FIGNL2: variants seen among roughly 807,000 people sequenced by gnomAD.
The protein encoded by FIGNL2 is fidgetin-like protein 2.
For synonymous variants in FIGNL2, 565 were observed against 484.0 expected (o/e 1.17, Z -2.20); for missense variants, 1,060 against 950.2 (o/e 1.12, Z -1.52).
At position 51,830,632 on chromosome 12, in the gene FIGNL2, C is replaced by T. The variant is rs191615789; in HGVS notation, c.-11-8208G>A. On this transcript the variant is annotated intron_variant, in intron 1 of 1. Transcript: ENST00000618634. ...TCAGCCTCCTGAGTAGCTGGGATTA[C>T]AGGCGCCCACCACTACACCCAGCTA... Among the ~76,000 whole-genome samples the T allele has an allele frequency of 4.9e-3, 747 of 151,250 alleles. 4 individuals carry two copies. The highest frequency in any genetic ancestry group is 8.6e-3 in the Non-Finnish European group (582 of 67,828).
intron 1 of FIGNL2, among the ~76,000 whole-genome samples, chr12:51,838,922 C>T (rs377480047): frequency 3.3e-5 from 5 of 152,158 alleles, no homozygotes; most frequent in Non-Finnish European, 7.4e-5. Flanking sequence ...ACCAGCTGAC[C>T]GTCACTGAAA....
chr12:51,829,169 A>G (rs563300733), intron 1 of FIGNL2, among the ~76,000 whole-genome samples: 2 of 152,258 alleles, frequency 1.3e-5, no homozygotes, highest in Non-Finnish European at 2.9e-5. Flanking sequence ...AGCCTGGAAC[A>G]AAGAGGCTGG....
intron 1 of FIGNL2, among the ~76,000 whole-genome samples, chr12:51,834,105 A>T (rs2580806): frequency 0.16 from 18,567 of 112,620 alleles, 1,906 homozygotes; most frequent in Non-Finnish European, 0.2. Flanking sequence ...GGGTGGATGG[A>T]TGGTTGGATG....
Position 51,820,386 on chromosome 12 carries a change from A to C in FIGNL2, c.*66T>G. The C allele has an allele frequency of 6.5e-7, 1 of 1,535,046 alleles. No individual in the cohort carries two copies. The highest frequency in any genetic ancestry group is 8.7e-7 in the Non-Finnish European group (1 of 1,146,808). On this transcript the variant is annotated 3_prime_UTR_variant, in exon 2 of 2. Transcript: ENST00000618634. ...CTGCCAGCCGGGTTTAGTCAGTGACATCCCTCCCACGCGGAGGCGGCGGGG... is the reference window on the plus strand; with the variant it reads ...CTGCCAGCCGGGTTTAGTCAGTGACCTCCCTCCCACGCGGAGGCGGCGGGG...
intron 1 of FIGNL2, 123 bp downstream of exon 1, chr12:51,848,417 C>A: frequency 3.1e-6 from 3 of 983,534 alleles, no homozygotes; most frequent in Non-Finnish European, 3.6e-6. Flanking sequence ...AGCTGAACCC[C>A]GCGACTAGCA....
intron 1 of FIGNL2, chr12:51,845,518 G>A: frequency 1.0e-6 from 1 of 985,460 alleles, no homozygotes. Context: ...GAGCACAGGG[G>A]CACTGGGGCC....
Position 51,821,272 on chromosome 12 carries a change from T to C in FIGNL2, c.1142A>G (p.Lys381Arg), listed in dbSNP as rs1445385859. 3.3e-6 allele frequency: 5 copies of C among 1,524,930 alleles called. No homozygotes were observed. Among genetic ancestry groups the C allele is most frequent in the South Asian group, 1.2e-5 (1 of 83,254 alleles). 94.5% of individuals were successfully genotyped at this position (1,524,930 alleles called of 1,614,324 possible). A position where few individuals can be genotyped will look rare whatever the true frequency, so the allele number is the denominator to read the frequency against. The change falls in exon 2 of 2, where the codon AAG becomes AGG. Residue 381 changes from lysine to arginine, a missense_variant. Lys to Arg is a conservative substitution (Grantham distance 26, BLOSUM62 2). Transcript: ENST00000618634. ...CACCGGGGGCCCGCAGTCCACCATC[T>C]TGCTCGTCACCAGCTCCAGGGCCCC... ...DPGALELVTS[K>R]MVDCGPPVQW...
chr12:51,835,641 T>C (rs944850876), intron 1 of FIGNL2: 5 of 152,070 alleles, frequency 3.3e-5, no homozygotes, highest in Non-Finnish European at 5.9e-5. Context: ...ACATTCCATA[T>C]GTTCAACAAC....
chr12:51,845,616 G>A, intron 1 of FIGNL2: 10 of 985,388 alleles, frequency 1.0e-5, no homozygotes, highest in African/African-American at 1.7e-5. Context: ...TCGGGTAAAG[G>A]AGTCGATAAC....
intron 1 of FIGNL2, among the ~76,000 whole-genome samples, chr12:51,830,738 G>T (rs529860961): frequency 6.6e-6 from 1 of 151,864 alleles, no homozygotes; most frequent in African/African-American, 2.4e-5. Flanking sequence ...TGATTCGCCC[G>T]CCTTGGCCTC....
At chr12:51,845,783 G>A (rs1012086117) in intron 1 of FIGNL2, 2 of 405,334 alleles carry the variant, frequency 4.9e-6, no homozygotes, top group African/African-American at 2.2e-5. Context: ...CTTGGGGGGA[G>A]AGTCGGGGGA....
At chr12:51,846,473 G>A (rs1939752562) in intron 1 of FIGNL2, among the ~76,000 whole-genome samples, 1 of 152,216 alleles carries the variant, frequency 6.6e-6, no homozygotes, top group African/African-American at 2.4e-5. Context: ...CCCAGGCAGG[G>A]CAGGGAGGGG....
In FIGNL2 at chr12:51,820,700, C is replaced by A; in HGVS notation, c.1714G>T (p.Ala572Ser). The part of the protein sequence containing the change: ...ARGQILQRAL[A>S]QQGCALSERE... ...TCACTGAGCGCGCAGCCCTGCTGGG[C>A]CAGCGCCCGCTGCAGGATCTGCCCG... The change falls in exon 2 of 2, where the codon GCC becomes TCC. Residue 572 changes from alanine to serine, a missense_variant. Coordinates refer to ENST00000618634, the MANE Select transcript of FIGNL2 (RefSeq NM_001384995.1). 1 of 1,488,584 alleles carries A rather than the reference C, an allele frequency of 6.7e-7. No homozygotes were observed. The highest frequency in any genetic ancestry group is 8.9e-7 in the Non-Finnish European group (1 of 1,128,758). 92.2% of individuals were successfully genotyped at this position (1,488,584 alleles called of 1,614,324 possible). A position where few individuals can be genotyped will look rare whatever the true frequency, so the allele number is the denominator to read the frequency against.
At position 51,821,541 on chromosome 12, in the gene FIGNL2, A is replaced by T; in HGVS notation, c.873T>A (p.Ala291=). ...CCGCGGCGGGGTAGGAGGCTCCGTC[A>T]GCCACGGGGGCCTTGGCGGGCTCGT... ...YAYEPAKAPV[A]DGASYPAADN... The change falls in exon 2 of 2, where the codon GCT becomes GCA. Residue 291 remains alanine, a synonymous_variant. Transcript: ENST00000618634. 3 of 1,560,190 alleles carry T rather than the reference A, an allele frequency of 1.9e-6. No individual in the cohort carries two copies. In the African/African-American group the frequency reaches 4.2e-5, roughly 22 times the overall value.
chr12:51,825,617 CTCT>C (rs1247291414), intron 1 of FIGNL2, among the ~76,000 whole-genome samples: 2 of 130,588 alleles, frequency 1.5e-5, no homozygotes, highest in African/African-American at 5.3e-5. Context: ...GTCCATGACA[CTCT>C]TTTTTTTTTT....
rs67920844 is a variant in FIGNL2, at chr12:51,834,078, TAGACAGAC to T, written c.-11-11662_-11-11655del. Among the ~76,000 whole-genome samples, 7 of 46,058 alleles carry T rather than the reference TAGACAGAC, an allele frequency of 1.5e-4. 1 individual carries two copies. The highest frequency in any genetic ancestry group is 7.8e-4 in the East Asian group (1 of 1,276). The allele number at this position is 46,058 out of a possible 152,430, so 30.2% of individuals were successfully genotyped here. A position where few individuals can be genotyped will look rare whatever the true frequency, so the allele number is the denominator to read the frequency against. ...ATGGACAGATGGACAGATGGATGAA[TAGACAGAC>T]AGACGGATGGGTGGATGGATGGTTG... On this transcript the variant is annotated intron_variant, in intron 1 of 1. Coordinates refer to ENST00000618634, the MANE Select transcript of FIGNL2 (RefSeq NM_001384995.1).
Position 51,821,543 on chromosome 12 carries a change from C to A in FIGNL2, c.871G>T (p.Ala291Ser). ...GCGGCGGGGTAGGAGGCTCCGTCAG[C>A]CACGGGGGCCTTGGCGGGCTCGTAC... is the stretch of plus-strand genomic sequence containing the variant. The part of the protein sequence containing the change: ...YAYEPAKAPV[A>S]DGASYPAADN... Residue 291 changes from alanine to serine, a missense_variant, in exon 2 of 2, where the codon GCT becomes TCT. By Grantham distance (99) the Ala-to-Ser change is moderately conservative (BLOSUM62 1). Transcript: ENST00000618634. The A allele has an allele frequency of 6.4e-7, 1 of 1,558,422 alleles. No individual in the cohort carries two copies. The highest frequency in any genetic ancestry group is 8.6e-7 in the Non-Finnish European group (1 of 1,161,102).
chr12:51,845,434 C>A, intron 1 of FIGNL2: 1 of 976,778 alleles, frequency 1.0e-6, no homozygotes, highest in Non-Finnish European at 1.2e-6. Context: ...TGCCAGCACC[C>A]CATACTTGAC....
chr12:51,831,939 C>T (rs1054772439), intron 1 of FIGNL2: 4 of 152,644 alleles, frequency 2.6e-5, no homozygotes, highest in Admixed American at 6.5e-5. Context: ...CTCCCAGGCT[C>T]AAGCATTCCT....
Sources: gnomAD v4.1 joint callset for allele counts (sites outside exome capture counted in the v4.1 genomes callset) on GRCh38, gnomAD v4.1.1 for gene constraint, MANE v1.5 for transcripts, NCBI Gene and HGNC (gene_info 2026-07-23, HGNC 2026-07-21) for gene names.